The following TTC21A variants were observed in gnomAD, a reference collection of about 807,000 sequenced individuals.
The protein encoded by TTC21A is tetratricopeptide repeat protein 21A.
TTC21A carries 128 observed loss-of-function variants against 156.4 expected under a neutral mutation model. The observed-to-expected ratio is 0.82, with a 90% confidence interval of 0.71 to 0.95. TTC21A has a LOEUF of 0.95. Among genes scored for constraint, TTC21A ranks in the 40% least tolerant of loss-of-function variants. TTC21A has a pLI of 0.00. For synonymous variants in TTC21A, 587 were observed against 617.1 expected, an observed-to-expected ratio of 0.95 and a Z score of 0.72; for missense variants, 1,435 against 1,602.3, an observed-to-expected ratio of 0.90 and a Z score of 1.78.
At chr3:39,123,073 C>A (rs2037902825) in intron 9 of TTC21A, among the ~76,000 whole-genome samples, 1 of 152,148 alleles carries the variant, frequency 6.6e-6, no homozygotes, top group Admixed American at 6.6e-5. Flanking sequence ...AAGGCTAGTA[C>A]AGAAAAGACT....
rs368983397 is a variant in TTC21A at position 39,137,254 on chromosome 3, G to A, written c.3317G>A (p.Arg1106His). The change falls in exon 25 of 29, where the codon CGT becomes CAT. Residue 1106 changes from arginine (R) to histidine (H), a missense_variant. Coordinates refer to ENST00000683103, the MANE Select transcript of TTC21A (RefSeq NM_001366900.1). ...QGVSTAEKLL[R>H]EFYPHSDSSQ... Reference sequence around the variant, plus strand: ...GTGAGCACCGCCGAGAAACTGCTGCGTGAGTTTTACCCACATTCAGACTCC... The same window carrying A: ...GTGAGCACCGCCGAGAAACTGCTGCATGAGTTTTACCCACATTCAGACTCC... The A allele has an allele frequency of 6.2e-6, 10 of 1,614,100 alleles. No individual in the cohort carries two copies. The highest frequency in any genetic ancestry group is 4.5e-5 in the East Asian group (2 of 44,896).
chr3:39,136,976 T>C lies in TTC21A; in HGVS notation c.3173T>C (p.Ile1058Thr), dbSNP rs1157651756. Reference protein sequence around the residue: ...RKDSTWGQSAIYHMVQICLNP... With the variant: ...RKDSTWGQSATYHMVQICLNP... ...GACAGCACTTGGGGCCAGAGCGCCA[T>C]CTACCACATGGTGCAGATCTGTCTG... The change falls in exon 24 of 29, where the codon ATC becomes ACC. Residue 1058 changes from isoleucine to threonine, a missense_variant. Ile to Thr is a moderately conservative substitution (Grantham distance 89). Transcript: ENST00000683103. The C allele has an allele frequency of 1.2e-6, 2 of 1,614,054 alleles. No individual in the cohort carries two copies. Among genetic ancestry groups the C allele is most frequent in the Non-Finnish European group, 1.7e-6 (2 of 1,180,048 alleles).
chr3:39,109,146 T>C lies in TTC21A; in HGVS notation c.89T>C (p.Val30Ala), dbSNP rs779320835. 1.2e-6 allele frequency: 2 copies of C among 1,614,184 alleles called. No individual in the cohort carries two copies. Among genetic ancestry groups the C allele is most frequent in the African/African-American group, 2.7e-5 (2 of 75,056 alleles). Residue 30 changes from valine (V) to alanine (A), a missense_variant, in exon 2 of 29, where the codon GTG becomes GCG. By Grantham distance (64) the Val-to-Ala change is moderately conservative. Transcript: ENST00000683103. ...YFHHVQQAAA[V>A]GLEKFSNDPV... ...CACCATGTGCAGCAGGCTGCAGCTG[T>C]GGGCCTGGAAAAATTCAGCAATGAC...
In TTC21A at chr3:39,117,704, G is replaced by A. The variant is rs1424579615; in HGVS notation, c.717-365G>A. Among the ~76,000 whole-genome samples the A allele has an allele frequency of 2.6e-5, 4 of 152,192 alleles. No homozygotes were observed. The East Asian group carries it at 7.7e-4, about 29-fold the overall frequency. On this transcript the variant is annotated intron_variant, in intron 6 of 28. Coordinates refer to ENST00000683103, the MANE Select transcript of TTC21A (RefSeq NM_001366900.1). ...GACAGCTTAACTCTGGGGAGTCCCA[G>A]GCCCCTCTGTCTTGTTGCTCTGCTA...
At chr3:39,115,561 G>A (rs902873021) in intron 6 of TTC21A, among the ~76,000 whole-genome samples, 1 of 152,132 alleles carries the variant, frequency 6.6e-6, no homozygotes, top group Non-Finnish European at 1.5e-5. Flanking sequence ...AGCTACTAGG[G>A]AGGCTGAGGC....
In TTC21A at chr3:39,130,644, G is replaced by T; in HGVS notation, c.2320-57G>T. On this transcript the variant is annotated intron_variant, in intron 17 of 28. Transcript: ENST00000683103. This position sits in a 1 kb window ranked among gnomAD's most constrained non-coding sequence, Gnocchi z 4.5. ...TGATGGCTGCTGAGGGGAACATGGT[G>T]TCGGGCACTGAAGGGCAGAACCAGG... is the stretch of plus-strand genomic sequence containing the variant. 1 of 1,599,738 alleles carries T rather than the reference G, an allele frequency of 6.3e-7. No homozygotes were observed. Among genetic ancestry groups the T allele is most frequent in the South Asian group, 1.1e-5 (1 of 89,500 alleles).
chr3:39,129,604 G>C (rs1340346638), intron 15 of TTC21A, among the ~76,000 whole-genome samples: 1 of 152,194 alleles, frequency 6.6e-6, no homozygotes, highest in Non-Finnish European at 1.5e-5. Context: ...ACACACTGAA[G>C]CTCCAAGCTG....
In TTC21A at chr3:39,130,780, A is replaced by G. The variant is rs933699345; in HGVS notation, c.2399A>G (p.Lys800Arg). 6.2e-7 allele frequency: 1 copy of G among 1,614,114 alleles called. No homozygotes were observed. Among genetic ancestry groups the G allele is most frequent in the Non-Finnish European group, 8.5e-7 (1 of 1,180,054 alleles). Residue 800 changes from lysine to arginine, a missense_variant, in exon 18 of 29, where the codon AAG (lysine) becomes AGG (arginine). Lys to Arg is a conservative substitution (Grantham distance 26, BLOSUM62 2). Transcript: ENST00000683103. The surrounding 1 kb of genome is among the most constrained non-coding windows in gnomAD (Gnocchi z 4.5). ...TGCGATCTGGGCAAACTGCTCCTGA[A>G]GTTAAAGAAGGTCAATAAAGCAGAA... The part of the protein sequence containing the change: ...LCCDLGKLLL[K>R]LKKVNKAEKV...
At position 39,134,282 on chromosome 3, in the gene TTC21A, G is replaced by A. The variant is rs771585555; in HGVS notation, c.2816G>A (p.Cys939Tyr). 6 of 1,613,970 alleles carry A rather than the reference G, an allele frequency of 3.7e-6. No homozygotes were observed. Among genetic ancestry groups the A allele is most frequent in the East Asian group, 4.5e-5 (2 of 44,886 alleles). ...CACCTGGACCTGTGTGAGCAGCACTGTGCCATCCTCCTGCAGACTGAGCAG... is the reference window on the plus strand; with the variant it reads ...CACCTGGACCTGTGTGAGCAGCACTATGCCATCCTCCTGCAGACTGAGCAG... The part of the protein sequence containing the change: ...QGHLDLCEQH[C>Y]AILLQTEQNH... Residue 939 changes from cysteine (C) to tyrosine (Y), a missense_variant, in exon 21 of 29, where the codon TGT becomes TAT. Transcript: ENST00000683103. This position sits in a 1 kb window ranked among gnomAD's most constrained non-coding sequence, Gnocchi z 4.6.
At position 39,130,622 on chromosome 3, in the gene TTC21A, T is replaced by C; in HGVS notation, c.2320-79T>C. 1 of 1,563,108 alleles carries C rather than the reference T, an allele frequency of 6.4e-7. No homozygotes were observed. The highest frequency in any genetic ancestry group is 1.2e-5 in the South Asian group (1 of 86,022). On this transcript the variant is annotated intron_variant, in intron 17 of 28. Coordinates refer to ENST00000683103, the MANE Select transcript of TTC21A (RefSeq NM_001366900.1). This position sits in a 1 kb window ranked among gnomAD's most constrained non-coding sequence, Gnocchi z 4.5. ...GTTCTGGAGGGGCACACTGGTGTGA[T>C]GGCTGCTGAGGGGAACATGGTGTCG...
intron 12 of TTC21A, 89 bp downstream of exon 12, chr3:39,126,479 C>A: frequency 3.2e-6 from 1 of 313,032 alleles, no homozygotes; most frequent in Non-Finnish European, 4.9e-6. Context: ...GGATACTACA[C>A]ACACACACAC....
At chr3:39,135,527 T>C (rs1054624737) in intron 22 of TTC21A, among the ~76,000 whole-genome samples, 4 of 152,172 alleles carry the variant, frequency 2.6e-5, no homozygotes, top group Admixed American at 2.0e-4. Context: ...CACTGCAGCG[T>C]AAAACCACCC....
Position 39,134,536 on chromosome 3 carries a change from A to G in TTC21A, c.2862+208A>G. The G allele has an allele frequency of 3.1e-6, 2 of 643,932 alleles. No homozygotes were observed. The highest frequency in any genetic ancestry group is 2.8e-5 in the East Asian group (1 of 35,832). 39.9% of individuals were successfully genotyped at this position (643,932 alleles called of 1,614,324 possible). ...GGCTGGCTGGCAGTGGGCAGCATCAATCTCCTGGGCCAGTCTAAGGTGGGG... is the reference window on the plus strand; with the variant it reads ...GGCTGGCTGGCAGTGGGCAGCATCAGTCTCCTGGGCCAGTCTAAGGTGGGG... On this transcript the variant is annotated intron_variant, in intron 21 of 28. Transcript: ENST00000683103. This position sits in a 1 kb window ranked among gnomAD's most constrained non-coding sequence, Gnocchi z 4.6.
rs1340736110 is a variant in TTC21A at position 39,129,257 on chromosome 3, C to T, written c.2082C>T (p.Ala694=). The T allele has an allele frequency of 6.2e-7, 1 of 1,614,084 alleles. No homozygotes were observed. Among genetic ancestry groups the T allele is most frequent in the Non-Finnish European group, 8.5e-7 (1 of 1,180,042 alleles). Residue 694 remains alanine, a synonymous_variant, in exon 15 of 29, where the codon GCC becomes GCT. Coordinates refer to ENST00000683103, the MANE Select transcript of TTC21A (RefSeq NM_001366900.1). ...ATATGGAAGCCAGAGAGAAGATGGCCAACATCTACCTGCAGACCCTCAGAG... is the reference window on the plus strand; with the variant it reads ...ATATGGAAGCCAGAGAGAAGATGGCTAACATCTACCTGCAGACCCTCAGAG... ...SCYMEAREKM[A]NIYLQTLRDR...
Position 39,120,903 on chromosome 3 carries a change from C to G in TTC21A, c.901-94C>G, listed in dbSNP as rs1411618517. 42 of 1,178,112 alleles carry G rather than the reference C, an allele frequency of 3.6e-5. No individual in the cohort carries two copies. The Middle Eastern group carries it at 8.4e-4, about 24-fold the overall frequency. 73.0% of individuals were successfully genotyped at this position (1,178,112 alleles called of 1,614,324 possible). A position where few individuals can be genotyped will look rare whatever the true frequency, so the allele number is the denominator to read the frequency against. ...CTTGGCTCTCCTGGGCCTACCAGCC[C>G]TGCCTACCAAAGTGTCCCCCGTTTC... On this transcript the variant is annotated intron_variant, in intron 8 of 28. Transcript: ENST00000683103.
intron 9 of TTC21A, among the ~76,000 whole-genome samples, chr3:39,122,229 T>G (rs996104968): frequency 6.6e-6 from 1 of 151,712 alleles, no homozygotes; most frequent in Non-Finnish European, 1.5e-5. Context: ...GAGAATCACT[T>G]GAACCCGGGA....
chr3:39,110,701 G>A, intron 3 of TTC21A, 150 bp from the exon 4 acceptor site: 2 of 780,278 alleles, frequency 2.6e-6, no homozygotes, highest in Non-Finnish European at 4.1e-6. Context: ...CAGGCCTTGG[G>A]CTGCATGCGG....
chr3:39,134,497 A>G lies in TTC21A; in HGVS notation c.2862+169A>G, dbSNP rs757684596. 7.3e-6 allele frequency: 5 copies of G among 687,466 alleles called. No homozygotes were observed. In the East Asian group the frequency reaches 1.4e-4, roughly 19 times the overall value. 42.6% of individuals were successfully genotyped at this position (687,466 alleles called of 1,614,324 possible). On this transcript the variant is annotated intron_variant, in intron 21 of 28. Coordinates refer to ENST00000683103, the MANE Select transcript of TTC21A (RefSeq NM_001366900.1). The surrounding 1 kb of genome is among the most constrained non-coding windows in gnomAD (Gnocchi z 4.6). ...CAGTGCTGCACCTACTCTGCCCTTT[A>G]GCCGGAAGCGGTAGGCTGGCTGGCA...
At chr3:39,113,174 G>T (rs1047995276) in intron 5 of TTC21A, among the ~76,000 whole-genome samples, 6 of 152,106 alleles carry the variant, frequency 3.9e-5, no homozygotes, top group African/African-American at 9.7e-5. Context: ...GTCAACAGAT[G>T]AATTAAAATG....
Sources: allele counts gnomAD v4.1 joint callset (sites outside exome capture counted in the v4.1 genomes callset), GRCh38; gene constraint gnomAD v4.1.1; non-coding constraint Gnocchi (gnomAD v3.1); transcripts MANE v1.5; gene names NCBI Gene and HGNC (gene_info 2026-07-23, HGNC 2026-07-21).